INTS6L: variants seen among roughly 807,000 people sequenced by gnomAD.
INTS6L encodes the protein integrator complex subunit 6 like, also known as integrator complex subunit 6-like.
INTS6L carries 18 observed loss-of-function variants against 64.7 expected under a neutral mutation model. That is an observed-to-expected ratio of 0.28 (90% CI 0.19 to 0.41). INTS6L has a LOEUF of 0.41. Ranked by LOEUF, INTS6L falls within the 10% of genes least tolerant of loss-of-function variation. INTS6L has a pLI of 1.00. For missense variants in INTS6L, 533 were observed against 661.0 expected, an observed-to-expected ratio of 0.81 and a Z score of 2.12; for synonymous variants, 227 against 235.9, an observed-to-expected ratio of 0.96 and a Z score of 0.34.
chrX:135,535,887 G>C (rs920531055), intron 2 of INTS6L, among the ~76,000 whole-genome samples: 1 of 111,691 alleles, frequency 9.0e-6, no homozygotes, highest in African/African-American at 3.3e-5. Flanking sequence ...ACAAATGGCA[G>C]ATATTACCAG....
chrX:135,579,732 G>C (rs1379950181), intron 15 of INTS6L, 56 bp from the exon 16 acceptor site: 9 of 1,125,506 alleles, frequency 8.0e-6, no homozygotes, highest in Non-Finnish European at 8.2e-6. Context: ...GGATATACCT[G>C]TGGGGTTGAC....
In INTS6L at chrX:135,552,050, G is replaced by T; in HGVS notation, c.963G>T (p.Met321Ile). The change falls in exon 8 of 18, where the codon ATG becomes ATT. Residue 321 changes from methionine to isoleucine, a missense_variant. Physicochemically the swap from Met to Ile is conservative, Grantham distance 10 (BLOSUM62 1). Coordinates refer to ENST00000639893, the MANE Select transcript of INTS6L (RefSeq NM_001351601.3). ...TCTCCTGTGTAGATTGTGAGCCAATGGTAATAGACAAACTTCCTTTTGACA... is the reference window on the plus strand; with the variant it reads ...TCTCCTGTGTAGATTGTGAGCCAATTGTAATAGACAAACTTCCTTTTGACA... ...VRFSCVDCEP[M>I]VIDKLPFDKY... is the part of the protein sequence containing the mutation. 8.3e-7 allele frequency: 1 copy of T among 1,201,979 alleles called. No homozygotes were observed. Among genetic ancestry groups the T allele is most frequent in the Non-Finnish European group, 1.1e-6 (1 of 891,180 alleles).
In INTS6L at chrX:135,549,784, A is replaced by G. The variant is rs1556516447; in HGVS notation, c.885A>G (p.Pro295=). Residue 295 remains proline, a synonymous_variant, in exon 7 of 18, where the codon CCA becomes CCG. Transcript: ENST00000639893. ...GGCCAATTCCAGAATCTTTTTGGCC[A>G]GATCAGAATTTACCTTCACTAGTAA... ...GHWPIPESFW[P]DQNLPSLPPR... 8.3e-7 allele frequency: 1 copy of G among 1,211,510 alleles called. No homozygotes were observed. Among genetic ancestry groups the G allele is most frequent in the Admixed American group, 2.2e-5 (1 of 45,939 alleles).
chrX:135,558,082 C>A (rs1258168496), intron 9 of INTS6L, among the ~76,000 whole-genome samples: 3 of 111,664 alleles, frequency 2.7e-5, no homozygotes, highest in African/African-American at 9.8e-5. Context: ...TACAGAAATG[C>A]AAATCAAAAC....
intron 2 of INTS6L, among the ~76,000 whole-genome samples, chrX:135,543,953 C>T (rs1556513971): frequency 1.8e-5 from 2 of 112,078 alleles, no homozygotes; most frequent in African/African-American, 6.5e-5. Context: ...TTAAATGCTT[C>T]GACCTATAGG....
At chrX:135,570,066 A>G (rs2148665876) in intron 10 of INTS6L, 1 of 125,676 alleles carries the variant, frequency 8.0e-6, no homozygotes, top group East Asian at 2.3e-4. Context: ...AGAATCTTAA[A>G]TGGTACCATT....
rs781864864 is a variant in INTS6L at position 135,574,082 on chromosome X, CTTTTTTT to C, written c.1741+29_1741+35del. 4 of 1,043,467 alleles carry C rather than the reference CTTTTTTT, an allele frequency of 3.8e-6. No individual in the cohort carries two copies. Among genetic ancestry groups the C allele is most frequent in the Non-Finnish European group, 5.1e-6 (4 of 789,397 alleles). The allele number at this position is 1,043,467 out of a possible 1,213,427, so 86.0% of individuals were successfully genotyped here. Reference sequence around the variant, plus strand: ...ATGAAGGTAAAATAACTGTGAAATACTTTTTTTTTTTTTTTGGAAAATGCCAGGCATG... The same window carrying C: ...ATGAAGGTAAAATAACTGTGAAATACTTTTTTTTGGAAAATGCCAGGCATG... On this transcript the variant is annotated intron_variant, in intron 13 of 17. Transcript: ENST00000639893.
intron 5 of INTS6L, 100 bp downstream of exon 5, chrX:135,546,985 C>A: frequency 9.1e-7 from 1 of 1,095,900 alleles, no homozygotes. Context: ...TCCTTCAAAG[C>A]CTTTTAACTC....
intron 3 of INTS6L, among the ~76,000 whole-genome samples, chrX:135,545,972 G>C (rs904308251): frequency 8.9e-6 from 1 of 112,074 alleles, no homozygotes; most frequent in Non-Finnish European, 1.9e-5. Context: ...TAAAGTCTGT[G>C]CTCACAGTAA....
intron 2 of INTS6L, among the ~76,000 whole-genome samples, chrX:135,536,824 A>G (rs1396595613): frequency 9.0e-6 from 1 of 111,334 alleles, no homozygotes; most frequent in Non-Finnish European, 1.9e-5. Flanking sequence ...ATTGAGAAGT[A>G]AGACACAGAA....
At chrX:135,524,838 A>G (rs782433103) in intron 2 of INTS6L, among the ~76,000 whole-genome samples, 1 of 112,241 alleles carries the variant, frequency 8.9e-6, no homozygotes, top group Admixed American at 9.4e-5. Context: ...AATTAGTCAT[A>G]CCTTTTACTT....
chrX:135,538,589 G>A (rs1428268446), intron 2 of INTS6L, among the ~76,000 whole-genome samples: 2 of 112,203 alleles, frequency 1.8e-5, no homozygotes, highest in African/African-American at 6.5e-5. Flanking sequence ...TCTTAATGTC[G>A]TCTAGAATGT....
intron 8 of INTS6L, among the ~76,000 whole-genome samples, chrX:135,553,560 G>A (rs2086562453): frequency 9.6e-6 from 1 of 103,642 alleles, no homozygotes; most frequent in Non-Finnish European, 2.0e-5. Flanking sequence ...CTGGGCTCAA[G>A]CAATCCTCCC....
intron 12 of INTS6L, 84 bp from the exon 13 acceptor site, chrX:135,573,855 A>G (rs983634358): frequency 9.5e-7 from 1 of 1,048,311 alleles, no homozygotes; most frequent in Middle Eastern, 2.7e-4. Context: ...ACACTCTTCA[A>G]TAACATTTTA....
At chrX:135,570,299 A>T in intron 10 of INTS6L, 137 bp from the exon 11 acceptor site, 1 of 491,674 alleles carries the variant, frequency 2.0e-6, no homozygotes, top group Non-Finnish European at 3.0e-6. Context: ...GCCACTTTTT[A>T]ATGTTCCATG....
intron 8 of INTS6L, 113 bp from the exon 9 acceptor site, chrX:135,556,055 T>G (rs1394687718): frequency 1.2e-6 from 1 of 806,577 alleles, no homozygotes; most frequent in East Asian, 3.7e-5. Flanking sequence ...TATTGCTATT[T>G]TAAAATTACA....
chrX:135,554,036 G>A (rs1556518138), intron 8 of INTS6L, among the ~76,000 whole-genome samples: 1 of 111,648 alleles, frequency 9.0e-6, no homozygotes, highest in Admixed American at 9.5e-5. Flanking sequence ...TGAACCAGTA[G>A]CCAGGAAATT....
intron 9 of INTS6L, among the ~76,000 whole-genome samples, chrX:135,558,787 CT>C (rs1164910175): frequency 0.015 from 1,443 of 94,561 alleles, 10 homozygotes; most frequent in African/African-American, 0.027. Context: ...TTTCTTTTTT[CT>C]TTTTTTTTTT....
intron 2 of INTS6L, among the ~76,000 whole-genome samples, chrX:135,529,465 T>A (rs936398814): frequency 3.6e-5 from 4 of 111,869 alleles, no homozygotes; most frequent in East Asian, 2.8e-4. Context: ...CTTCTGACAG[T>A]CGTTAACTTT....
Sources: gnomAD v4.1 joint callset for allele counts (sites outside exome capture counted in the v4.1 genomes callset) on GRCh38, gnomAD v4.1.1 for gene constraint, MANE v1.5 for transcripts, NCBI Gene and HGNC (gene_info 2026-07-23, HGNC 2026-07-21) for gene names.